The following PTPRK variants were observed in gnomAD, a reference collection of about 807,000 sequenced individuals.
PTPRK encodes protein tyrosine phosphatase receptor type K, also known as receptor-type tyrosine-protein phosphatase kappa.
In PTPRK, 75 loss-of-function variants were observed where a neutral mutation model predicts 178.0. That is an observed-to-expected ratio of 0.42 (90% CI 0.35 to 0.51). The LOEUF is 0.51. Ranked by LOEUF, PTPRK falls within the 20% of genes least tolerant of loss-of-function variation. The pLI, the probability that PTPRK is intolerant of heterozygous loss-of-function variation, is 0.02. For missense variants in PTPRK, 1,441 were observed against 1,797.8 expected (o/e 0.80, Z 3.59); for synonymous variants, 637 against 620.6 (o/e 1.03, Z -0.39).
At chr6:128,036,605 C>T (rs1339165530) in intron 13 of PTPRK, among the ~76,000 whole-genome samples, 1 of 151,848 alleles carries the variant, frequency 6.6e-6, no homozygotes. Context: ...ACTTAATAAA[C>T]TAAAATACTG....
intron 1 of PTPRK, among the ~76,000 whole-genome samples, chr6:128,475,056 A>C (rs1851200145): frequency 6.6e-6 from 1 of 152,126 alleles, no homozygotes; most frequent in South Asian, 2.1e-4. Flanking sequence ...CCTTTGTGGG[A>C]AGCTAAGAAA....
intron 1 of PTPRK, among the ~76,000 whole-genome samples, chr6:128,456,855 T>G (rs916289329): frequency 1.3e-5 from 2 of 152,112 alleles, no homozygotes; most frequent in Non-Finnish European, 1.5e-5. Context: ...ATTCACTTCA[T>G]GTGTGGTTTT....
rs559255690 is a variant in PTPRK, at chr6:128,099,415, C to T, written c.1163-9423G>A. On this transcript the variant is annotated intron_variant, in intron 7 of 29. Transcript: ENST00000368226. ...ATCTCGTGACATGGAGCTCTTCTCC[C>T]CTCCCCCAAATAAATCATTACAATT... 1.2e-4 allele frequency among the ~76,000 whole-genome samples: 18 copies of T among 151,874 alleles called. No homozygotes were observed. The East Asian group carries it at 2.1e-3, about 18-fold the overall frequency.
At chr6:128,426,750 AAC>A (rs1250920851) in intron 1 of PTPRK, among the ~76,000 whole-genome samples, 2 of 152,254 alleles carry the variant, frequency 1.3e-5, no homozygotes, top group Non-Finnish European at 2.9e-5. Context: ...GGAAAAGTGA[AAC>A]AAAAACATTT....
At chr6:128,491,279 G>T (rs1482285672) in intron 1 of PTPRK, among the ~76,000 whole-genome samples, 1 of 152,204 alleles carries the variant, frequency 6.6e-6, no homozygotes. Context: ...CTTGTATTGG[G>T]ACAGTGATAT....
chr6:128,503,842 T>TTGTGTGTGTGTGTGTGTGTGTGTGTGTG (rs57723685), intron 1 of PTPRK, among the ~76,000 whole-genome samples: 4 of 139,884 alleles, frequency 2.9e-5, no homozygotes, highest in African/African-American at 8.2e-5. Flanking sequence ...CTGGTTATTA[T>TTGTGTGTGTGTGTGTGTGTGTGTGTGTG]TGTGTGTGTG....
At chr6:128,265,379 A>G (rs1818793570) in intron 3 of PTPRK, among the ~76,000 whole-genome samples, 1 of 152,196 alleles carries the variant, frequency 6.6e-6, no homozygotes, top group South Asian at 2.1e-4. Context: ...ATAACTTTTT[A>G]ATTAGTCATT....
At chr6:128,117,747 G>T (rs1791781037) in intron 7 of PTPRK, among the ~76,000 whole-genome samples, 1 of 152,008 alleles carries the variant, frequency 6.6e-6, no homozygotes, top group African/African-American at 2.4e-5. Context: ...CTGCCTTCTG[G>T]GTTCAAGTGA....
intron 1 of PTPRK, among the ~76,000 whole-genome samples, chr6:128,494,823 T>C (rs1413678442): frequency 1.3e-5 from 2 of 152,206 alleles, no homozygotes; most frequent in Non-Finnish European, 2.9e-5. Flanking sequence ...CCCTACATTT[T>C]ACAACTCACA....
At chr6:128,366,289 T>C (rs1835469246) in intron 2 of PTPRK, among the ~76,000 whole-genome samples, 1 of 152,154 alleles carries the variant, frequency 6.6e-6, no homozygotes, top group Non-Finnish European at 1.5e-5. Flanking sequence ...ACTGTAGTTA[T>C]TCAAGAAAGT....
intron 3 of PTPRK, among the ~76,000 whole-genome samples, chr6:128,248,859 G>A (rs573489099): frequency 2.0e-5 from 3 of 152,256 alleles, no homozygotes; most frequent in African/African-American, 7.2e-5. Context: ...TACTTTTAAG[G>A]TAAGAAACAC....
chr6:128,109,352 T>G (rs1013917885), intron 7 of PTPRK, among the ~76,000 whole-genome samples: 2 of 152,324 alleles, frequency 1.3e-5, no homozygotes, highest in African/African-American at 4.8e-5. Flanking sequence ...GATACAGTTG[T>G]CTTATCTACC....
At chr6:127,976,028 G>A (rs1157437271) in intron 27 of PTPRK, among the ~76,000 whole-genome samples, 3 of 152,048 alleles carry the variant, frequency 2.0e-5, no homozygotes, top group African/African-American at 7.2e-5. Flanking sequence ...GTCATGTAGT[G>A]GAAAGCAAAT....
At chr6:128,099,368 G>A (rs1788425322) in intron 7 of PTPRK, among the ~76,000 whole-genome samples, 2 of 151,738 alleles carry the variant, frequency 1.3e-5, no homozygotes, top group African/African-American at 4.8e-5. Flanking sequence ...AATGCTAAGA[G>A]GGCCCAGTTT....
chr6:128,436,005 T>A (rs199660637), intron 1 of PTPRK, among the ~76,000 whole-genome samples: 15,998 of 148,462 alleles, frequency 0.11, 1,132 homozygotes, highest in East Asian at 0.3. Context: ...AAAAAATATA[T>A]ATATATATAT....
At position 128,023,775 on chromosome 6, in the gene PTPRK, T is replaced by C. The variant is rs150330574; in HGVS notation, c.2195-14507A>G. 3.8e-3 allele frequency among the ~76,000 whole-genome samples: 576 copies of C among 151,984 alleles called. 2 individuals carry two copies. The highest frequency in any genetic ancestry group is 6.3e-3 in the Non-Finnish European group (427 of 67,964). ...CTCAAGCGATCCTCCCAGCTTAGCC[T>C]CTGGAGTAGCTGGGACTATAGGGAC... On this transcript the variant is annotated intron_variant, in intron 13 of 29. Transcript: ENST00000368226.
intron 4 of PTPRK, chr6:128,241,272 T>G (rs761586688): frequency 1.9e-6 from 1 of 533,374 alleles, no homozygotes; most frequent in South Asian, 1.4e-5. Flanking sequence ...GAACATGAAC[T>G]AAAGCAGCAG....
chr6:128,409,455 T>A (rs1215859823), intron 1 of PTPRK: 1 of 285,942 alleles, frequency 3.5e-6, no homozygotes, highest in East Asian at 1.1e-4. Context: ...GATGTAAATA[T>A]GTATATTTTC....
chr6:128,361,216 C>T (rs1584355879), intron 2 of PTPRK, among the ~76,000 whole-genome samples: 1 of 152,106 alleles, frequency 6.6e-6, no homozygotes, highest in African/African-American at 2.4e-5. Flanking sequence ...AAACTACTAT[C>T]TCAGGAAAGA....
Sources: allele counts gnomAD v4.1 joint callset (sites outside exome capture counted in the v4.1 genomes callset), GRCh38; gene constraint gnomAD v4.1.1; transcripts MANE v1.5; gene names NCBI Gene and HGNC (gene_info 2026-07-23, HGNC 2026-07-21).